The following NR1H4 variants were observed in gnomAD, a reference collection of about 807,000 sequenced individuals.
The protein encoded by NR1H4 is nuclear receptor subfamily 1 group H member 4.
NR1H4 carries 23 observed loss-of-function variants against 58.5 expected under a neutral mutation model. The ratio of observed to expected loss-of-function variants is 0.39; its 90% CI spans 0.28 to 0.56. The LOEUF (loss-of-function observed/expected upper bound fraction) is 0.56. Among genes scored for constraint, NR1H4 ranks in the 20% least tolerant of loss-of-function variants. The probability of loss-of-function intolerance (pLI) is 0.58; values close to 1 mark genes in which losing one functional copy is unlikely to be tolerated. For missense variants in NR1H4, 487 were observed against 576.9 expected, an observed-to-expected ratio of 0.84 and a Z score of 1.60; for synonymous variants, 214 against 198.0, an observed-to-expected ratio of 1.08 and a Z score of -0.68.
intron 4 of NR1H4, among the ~76,000 whole-genome samples, chr12:100,531,188 G>A (rs1264371442): frequency 1.3e-5 from 2 of 152,226 alleles, no homozygotes; most frequent in African/African-American, 4.8e-5. Context: ...GGGCGTGGTG[G>A]CTCATGCCTG....
chr12:100,500,758 G>C (rs1228269010), intron 3 of NR1H4, among the ~76,000 whole-genome samples: 1 of 152,074 alleles, frequency 6.6e-6, no homozygotes, highest in African/African-American at 2.4e-5. Flanking sequence ...TCTCTCTCCT[G>C]CTGCCTTTTG....
intron 3 of NR1H4, among the ~76,000 whole-genome samples, chr12:100,509,518 A>G (rs940180457): frequency 2.6e-5 from 4 of 152,192 alleles, no homozygotes; most frequent in Non-Finnish European, 5.9e-5. Context: ...CTGTGTGCCA[A>G]ACATTTAGCA....
intron 1 of NR1H4, among the ~76,000 whole-genome samples, chr12:100,482,123 A>C (rs915728926): frequency 3.3e-5 from 5 of 152,094 alleles, no homozygotes; most frequent in Non-Finnish European, 5.9e-5. Context: ...ACAAACAACA[A>C]AAACCCTGAA....
intron 1 of NR1H4, among the ~76,000 whole-genome samples, chr12:100,483,517 T>A (rs1953425284): frequency 6.6e-6 from 1 of 152,204 alleles, no homozygotes; most frequent in Non-Finnish European, 1.5e-5. Context: ...GCCATCCTTG[T>A]TGGCCATATG....
At position 100,561,784 on chromosome 12, in the gene NR1H4, T is replaced by C. The variant is rs540565807; in HGVS notation, c.1079-101T>C. The C allele has an allele frequency of 3.8e-4, 260 of 690,482 alleles. No homozygotes were observed. The African/African-American group carries it at 3.9e-3, about 10-fold the overall frequency. 42.8% of individuals were successfully genotyped at this position (690,482 alleles called of 1,614,324 possible). A position where few individuals can be genotyped will look rare whatever the true frequency, so the allele number is the denominator to read the frequency against. ...TAGTCATTATTTGAATGTGTGCATATAGTTGCAAAATTACCATGTGTTTAT... is the reference window on the plus strand; with the variant it reads ...TAGTCATTATTTGAATGTGTGCATACAGTTGCAAAATTACCATGTGTTTAT... On this transcript the variant is annotated intron_variant, in intron 9 of 10. Transcript: ENST00000392986.
At chr12:100,552,252 G>A (rs1955219745) in intron 9 of NR1H4, among the ~76,000 whole-genome samples, 1 of 152,112 alleles carries the variant, frequency 6.6e-6, no homozygotes, top group South Asian at 2.1e-4. Context: ...AATTAGGCCG[G>A]ATAGTTTTTA....
intron 1 of NR1H4, among the ~76,000 whole-genome samples, chr12:100,477,917 C>A (rs1257696905): frequency 6.6e-6 from 1 of 152,078 alleles, no homozygotes; most frequent in African/African-American, 2.4e-5. Flanking sequence ...TTCAGGGGGC[C>A]AGGGTCACTT....
rs180957965 is a variant in NR1H4 at position 100,534,949 on chromosome 12, G to T, written c.658G>T (p.Ala220Ser). 134 of 1,614,216 alleles carry T rather than the reference G, an allele frequency of 8.3e-5. 2 individuals are homozygous for T. The East Asian group carries it at 1.0e-3, about 12-fold the overall frequency. The change falls in exon 6 of 11, where the codon GCA becomes TCA. Residue 220 changes from alanine (A) to serine (S), a missense_variant. Coordinates refer to ENST00000392986, the MANE Select transcript of NR1H4 (RefSeq NM_001206979.2). Reference protein sequence around the residue: ...KRLRKNVKQHADQTVNEDSEG... With the variant: ...KRLRKNVKQHSDQTVNEDSEG... Reference sequence around the variant, plus strand: ...ACTGAGAAAAAATGTGAAGCAGCATGCAGATCAGACCGTGAATGAAGACAG... The same window carrying T: ...ACTGAGAAAAAATGTGAAGCAGCATTCAGATCAGACCGTGAATGAAGACAG...
chr12:100,532,781 G>A (rs1037488665), intron 5 of NR1H4, among the ~76,000 whole-genome samples, 171 bp downstream of exon 5: 1 of 152,254 alleles, frequency 6.6e-6, no homozygotes, highest in East Asian at 1.9e-4. Context: ...CAACTAAAGA[G>A]CATTTTAGTC....
At chr12:100,529,838 C>T (rs1425598418) in intron 4 of NR1H4, among the ~76,000 whole-genome samples, 1 of 152,158 alleles carries the variant, frequency 6.6e-6, no homozygotes, top group Admixed American at 6.6e-5. Flanking sequence ...TCATATTATA[C>T]TTATCTTGCT....
intron 3 of NR1H4, among the ~76,000 whole-genome samples, chr12:100,495,163 C>T (rs891518079): frequency 2.0e-5 from 3 of 152,212 alleles, no homozygotes; most frequent in Non-Finnish European, 4.4e-5. Flanking sequence ...TCCTCTCTCT[C>T]TTTTGCTGGA....
chr12:100,509,652 A>G (rs1954055403), intron 3 of NR1H4, among the ~76,000 whole-genome samples: 1 of 152,230 alleles, frequency 6.6e-6, no homozygotes, highest in South Asian at 2.1e-4. Context: ...CCAGCTGCAC[A>G]CAGATTGTAA....
At chr12:100,478,196 G>T (rs1953310113) in intron 1 of NR1H4, among the ~76,000 whole-genome samples, 1 of 151,834 alleles carries the variant, frequency 6.6e-6, no homozygotes, top group Non-Finnish European at 1.5e-5. Context: ...GGGGGGTGGG[G>T]GAGAAGACGT....
At chr12:100,563,015 G>T (rs1955509841) in intron 10 of NR1H4, among the ~76,000 whole-genome samples, 1 of 152,146 alleles carries the variant, frequency 6.6e-6, no homozygotes, top group Non-Finnish European at 1.5e-5. Flanking sequence ...TATCTTTAGG[G>T]GTTTTGATTG....
chr12:100,490,376 A>T (rs947445195), intron 1 of NR1H4, among the ~76,000 whole-genome samples: 4 of 152,236 alleles, frequency 2.6e-5, no homozygotes, highest in African/African-American at 9.6e-5. Flanking sequence ...AGGAGAGCAC[A>T]GAGGGAAACC....
chr12:100,489,919 A>G (rs1379470781), intron 1 of NR1H4, among the ~76,000 whole-genome samples: 2 of 152,164 alleles, frequency 1.3e-5, no homozygotes, highest in Non-Finnish European at 2.9e-5. Context: ...TGGATTCTAG[A>G]GAGTTCTGCT....
chr12:100,521,264 A>G (rs1483173240), intron 4 of NR1H4, among the ~76,000 whole-genome samples: 1 of 152,218 alleles, frequency 6.6e-6, no homozygotes, highest in East Asian at 1.9e-4. Flanking sequence ...TTATAGCATC[A>G]ATGAGAGAAA....
At chr12:100,531,812 A>G (rs1188085916) in intron 4 of NR1H4, among the ~76,000 whole-genome samples, 1 of 151,716 alleles carries the variant, frequency 6.6e-6, no homozygotes, top group African/African-American at 2.4e-5. Context: ...TTCTCGGGGG[A>G]GATGGTTGCT....
chr12:100,484,764 C>T (rs1953454887), intron 1 of NR1H4, among the ~76,000 whole-genome samples: 1 of 152,182 alleles, frequency 6.6e-6, no homozygotes, highest in Non-Finnish European at 1.5e-5. Flanking sequence ...CACCTTCTCA[C>T]TAGAGTAATC....
Sources: gnomAD v4.1 joint callset for allele counts (sites outside exome capture counted in the v4.1 genomes callset) on GRCh38, gnomAD v4.1.1 for gene constraint, MANE v1.5 for transcripts, NCBI Gene and HGNC (gene_info 2026-07-23, HGNC 2026-07-21) for gene names.